Variants in NEB observed in about 807,000 individuals in gnomAD.
NEB encodes nemaline myopathy type 2.
Under a neutral mutation model 952.2 loss-of-function variants are expected in NEB, and 512 were observed. The observed-to-expected ratio is 0.54, with a 90% CI of 0.50 to 0.58. The LOEUF is 0.58. Ranked by LOEUF, NEB falls within the 20% of genes least tolerant of loss-of-function variation. NEB has a pLI of 0.00. For missense variants in NEB, 8,428 were observed against 9,231.1 expected, an observed-to-expected ratio of 0.91 and a Z score of 3.56; for synonymous variants, 2,900 against 3,149.8, an observed-to-expected ratio of 0.92 and a Z score of 2.66.
At chr2:151,487,328 C>A (rs913120595) in intron 181 of NEB, among the ~76,000 whole-genome samples, 5 of 152,190 alleles carry the variant, frequency 3.3e-5, no homozygotes, top group African/African-American at 1.2e-4. Context: ...CTAGGAGCAG[C>A]CACTGGTTAG....
intron 130 of NEB, among the ~76,000 whole-genome samples, chr2:151,549,218 G>C (rs868473186): frequency 1.3e-4 from 20 of 152,300 alleles, no homozygotes; most frequent in Middle Eastern, 3.4e-3. Flanking sequence ...AGGAACACAT[G>C]GTGATGTTAT....
At chr2:151,495,293 AGTGATTCTCAAC>A (rs2152913584) in intron 173 of NEB, 1 of 152,320 alleles carries the variant, frequency 6.6e-6, no homozygotes, top group Admixed American at 6.5e-5. Context: ...CTGTTGAAAT[AGTGATTCTCAAC>A]GTGGGGTCCT....
rs1220980810 is a variant in NEB, at chr2:151,692,327, T to C, written c.1932A>G (p.Ala644=). ...LYKENYEKTK[A]KSMNYCETPK... ...GGGTCTCACAGTAATTCATACTCTT[T>C]GCCTTTGTCTTCTCATAGTTTTCCT... The change falls in exon 21 of 182, where the codon GCA becomes GCG. Residue 644 remains alanine, a synonymous_variant. Coordinates refer to ENST00000397345, the MANE Select transcript of NEB (RefSeq NM_001164508.2). 3 of 1,613,096 alleles carry C rather than the reference T, an allele frequency of 1.9e-6. No homozygotes were observed. Among genetic ancestry groups the C allele is most frequent in the Non-Finnish European group, 2.5e-6 (3 of 1,179,396 alleles).
chr2:151,497,593 A>G, intron 171 of NEB, 33 bp downstream of exon 171: 2 of 1,544,390 alleles, frequency 1.3e-6, no homozygotes, highest in Non-Finnish European at 8.8e-7. Context: ...AAATCATTAA[A>G]TAAGTAGTTT....
intron 13 of NEB, among the ~76,000 whole-genome samples, chr2:151,698,594 C>T (rs1332811786): frequency 6.6e-6 from 1 of 151,054 alleles, no homozygotes; most frequent in Non-Finnish European, 1.5e-5. Context: ...AGCATGTTTT[C>T]AAGCTTCATC....
At chr2:151,642,223 T>C (rs2098873642) in intron 60 of NEB, among the ~76,000 whole-genome samples, 1 of 152,242 alleles carries the variant, frequency 6.6e-6, no homozygotes, top group Non-Finnish European at 1.5e-5. Flanking sequence ...CATTGGTTCA[T>C]ACAGCATAGG....
intron 107 of NEB, among the ~76,000 whole-genome samples, chr2:151,573,214 T>C (rs2096707647): frequency 6.6e-6 from 1 of 152,236 alleles, no homozygotes; most frequent in Admixed American, 6.5e-5. Context: ...ATGGGGTGTT[T>C]GATTTCTTCC....
intron 172 of NEB, 122 bp from the exon 173 acceptor site, chr2:151,496,490 A>G: frequency 6.9e-7 from 1 of 1,452,802 alleles, no homozygotes; most frequent in Non-Finnish European, 9.2e-7. Flanking sequence ...GCCAGAAGTT[A>G]TATGCTGACA....
intron 54 of NEB, 32 bp from the exon 55 acceptor site, chr2:151,646,266 G>A (rs2098955975): frequency 6.2e-6 from 9 of 1,461,130 alleles, no homozygotes; most frequent in Non-Finnish European, 8.4e-6. Flanking sequence ...TTTCAGTGGT[G>A]TTGTTAGATT....
chr2:151,525,924 G>A (rs765560910), intron 150 of NEB, 34 bp downstream of exon 150: 2 of 1,525,902 alleles, frequency 1.3e-6, no homozygotes, highest in East Asian at 2.2e-5. Context: ...AAGTGGCATT[G>A]TTGCTGCCAA....
intron 121 of NEB, 96 bp from the exon 122 acceptor site, chr2:151,561,408 G>A (rs1232819707): frequency 2.4e-6 from 2 of 827,664 alleles, no homozygotes; most frequent in Non-Finnish European, 2.0e-6. Flanking sequence ...TTTATTTCTG[G>A]ATTTCTGCTT....
At chr2:151,631,390 A>G (rs2098664140) in intron 65 of NEB, 44 bp from the exon 66 acceptor site, 1 of 1,563,348 alleles carries the variant, frequency 6.4e-7, no homozygotes. Flanking sequence ...CAAGACCACA[A>G]TATTTAGGGT....
At chr2:151,718,058 C>A (rs532687013) in intron 9 of NEB, among the ~76,000 whole-genome samples, 17 of 152,156 alleles carry the variant, frequency 1.1e-4, no homozygotes, top group African/African-American at 3.4e-4. Context: ...TTTCACCATG[C>A]TAGCCAGGCT....
At chr2:151,576,836 CTTTTA>C (rs2096885458) in intron 105 of NEB, among the ~76,000 whole-genome samples, 1 of 152,030 alleles carries the variant, frequency 6.6e-6, no homozygotes, top group South Asian at 2.1e-4. Context: ...CGCCAGGCCT[CTTTTA>C]TTTTATCTTC....
chr2:151,556,947 A>G (rs936502236), intron 124 of NEB, among the ~76,000 whole-genome samples: 3 of 152,232 alleles, frequency 2.0e-5, no homozygotes, highest in Admixed American at 6.5e-5. Context: ...TAACATCACA[A>G]TTAAAAGAAC....
At chr2:151,532,183 A>C in intron 143 of NEB, 2 of 244,582 alleles carry the variant, frequency 8.2e-6, no homozygotes, top group Non-Finnish European at 7.9e-6. Flanking sequence ...TGCAACCTCC[A>C]CCTCCCAGAT....
intron 46 of NEB, among the ~76,000 whole-genome samples, chr2:151,660,358 GTGTATGTA>G (rs371691551): frequency 1.3e-5 from 2 of 152,082 alleles, no homozygotes; most frequent in Admixed American, 6.5e-5. Context: ...ATATTCTTGT[GTGTATGTA>G]TGTATGTATG....
intron 145 of NEB, among the ~76,000 whole-genome samples, chr2:151,529,675 C>T (rs567026785): frequency 1.3e-4 from 20 of 152,180 alleles, no homozygotes; most frequent in African/African-American, 4.6e-4. Context: ...GGACCACAGG[C>T]ATGCGCCACC....
chr2:151,677,495 T>C (rs1254168435), intron 34 of NEB, 70 bp downstream of exon 34: 9 of 1,157,298 alleles, frequency 7.8e-6, no homozygotes, highest in South Asian at 2.4e-5. Flanking sequence ...AAAAAATATA[T>C]TGGGCTGCTG....
Sources: allele counts gnomAD v4.1 joint callset (sites outside exome capture counted in the v4.1 genomes callset), GRCh38; gene constraint gnomAD v4.1.1; transcripts MANE v1.5; gene names NCBI Gene and HGNC (gene_info 2026-07-23, HGNC 2026-07-21).